ANK2: variants seen among roughly 807,000 people sequenced by gnomAD.
ANK2 encodes ankyrin 2, also known as ankyrin-2.
A neutral mutation model predicts 360.5 loss-of-function variants in ANK2; 83 were observed. The observed-to-expected ratio is 0.23, with a 90% confidence interval of 0.19 to 0.28. The LOEUF is 0.28. Ranked by LOEUF, ANK2 falls within the 10% of genes least tolerant of loss-of-function variation. The pLI is 1.00. For missense variants in ANK2, 4,201 were observed against 4,795.7 expected, an observed-to-expected ratio of 0.88 and a Z score of 3.66; for synonymous variants, 1,740 against 1,759.5, an observed-to-expected ratio of 0.99 and a Z score of 0.28.
intron 1 of ANK2, among the ~76,000 whole-genome samples, chr4:112,859,914 C>A (rs1198464971): frequency 6.6e-6 from 1 of 152,202 alleles, no homozygotes; most frequent in Non-Finnish European, 1.5e-5. Flanking sequence ...TGTTTGTTGG[C>A]TTTCTAACTC....
the ANK2 span, among the ~76,000 whole-genome samples, chr4:112,760,125 C>T: frequency 6.6e-6 from 1 of 152,174 alleles, no homozygotes; most frequent in African/African-American, 2.4e-5. Flanking sequence ...ACCCACCTGC[C>T]CACCCCAGTT....
the ANK2 span, among the ~76,000 whole-genome samples, chr4:112,793,933 G>C: frequency 1.1e-4 from 16 of 152,114 alleles, no homozygotes; most frequent in African/African-American, 3.6e-4. Context: ...CTGAACTCAA[G>C]TGATCTGCCT....
At chr4:112,879,419 T>C (rs1010555159) in intron 1 of ANK2, among the ~76,000 whole-genome samples, 3 of 152,120 alleles carry the variant, frequency 2.0e-5, no homozygotes, top group Admixed American at 6.5e-5. Context: ...AAACAGCCCA[T>C]GTGAGTGGCC....
At chr4:113,089,642 A>G (rs1581234598) in intron 1 of ANK2, among the ~76,000 whole-genome samples, 1 of 152,308 alleles carries the variant, frequency 6.6e-6, no homozygotes, top group East Asian at 1.9e-4. Flanking sequence ...CCTGACCAAC[A>G]TGGAGAAACC....
upstream of ANK2, among the ~76,000 whole-genome samples, chr4:113,047,612 G>A (rs574491105): frequency 6.6e-5 from 10 of 152,106 alleles, no homozygotes; most frequent in Non-Finnish European, 1.3e-4. Context: ...GATTTCAGTG[G>A]GGGCTGTGAC....
intron 2 of ANK2, among the ~76,000 whole-genome samples, chr4:112,963,616 C>T (rs752900578): frequency 1.3e-5 from 2 of 152,034 alleles, no homozygotes; most frequent in Non-Finnish European, 2.9e-5. Flanking sequence ...TATTTCTCTT[C>T]ATGATATTTT....
the ANK2 span, among the ~76,000 whole-genome samples, chr4:112,764,571 G>C: frequency 6.6e-6 from 1 of 152,016 alleles, no homozygotes; most frequent in Non-Finnish European, 1.5e-5. Context: ...TCTGACCTCA[G>C]GTGATCTACC....
chr4:113,145,876 A>C lies in ANK2; in HGVS notation c.85-28540A>C, dbSNP rs1374538922. 9 of 1,289,800 alleles carry C rather than the reference A, an allele frequency of 7.0e-6. No homozygotes were observed. In the South Asian group the frequency reaches 1.1e-4, roughly 16 times the overall value. The allele number at this position is 1,289,800 out of a possible 1,614,324, so 79.9% of individuals were successfully genotyped here. ...AGGAACTGTAGAGCTGAGATGGGGAATGCAGCCCTCTGCTCTTCTTGCCAT... is the reference window on the plus strand; with the variant it reads ...AGGAACTGTAGAGCTGAGATGGGGACTGCAGCCCTCTGCTCTTCTTGCCAT... On this transcript the variant is annotated intron_variant, in intron 1 of 45. Transcript: ENST00000357077.
intron 2 of ANK2, among the ~76,000 whole-genome samples, chr4:112,915,750 GTT>G (rs2089536527): frequency 7.0e-6 from 1 of 142,554 alleles, no homozygotes; most frequent in African/African-American, 2.8e-5. Context: ...GTGAGACTCT[GTT>G]TCAAAAAAAA....
At chr4:113,131,300 T>A (rs915841520) in intron 1 of ANK2, among the ~76,000 whole-genome samples, 64 of 152,308 alleles carry the variant, frequency 4.2e-4, no homozygotes, top group African/African-American at 1.5e-3. Context: ...ATTGGTGGCA[T>A]GTTTAGCTGC....
intron 2 of ANK2, among the ~76,000 whole-genome samples, chr4:113,001,067 G>A (rs1173397289): frequency 6.6e-6 from 1 of 152,008 alleles, no homozygotes; most frequent in Non-Finnish European, 1.5e-5. Context: ...GGGCACGGTG[G>A]TTCACGCCTG....
intron 2 of ANK2, among the ~76,000 whole-genome samples, chr4:113,190,847 T>C (rs1000439337): frequency 6.6e-6 from 1 of 152,248 alleles, no homozygotes; most frequent in Non-Finnish European, 1.5e-5. Flanking sequence ...CCACTCACTT[T>C]TAAATTTAAT....
At chr4:112,980,757 C>T (rs997173507) in intron 2 of ANK2, among the ~76,000 whole-genome samples, 1 of 152,092 alleles carries the variant, frequency 6.6e-6, no homozygotes, top group Non-Finnish European at 1.5e-5. Flanking sequence ...CTATAAAGTA[C>T]AATTTTTAAA....
intron 27 of ANK2, 27 bp downstream of exon 27, chr4:113,330,497 T>G (rs370232791): frequency 1.2e-6 from 2 of 1,607,936 alleles, no homozygotes; most frequent in African/African-American, 1.3e-5. Context: ...AACCTCCCAC[T>G]TAGTCATCGA....
intron 1 of ANK2, among the ~76,000 whole-genome samples, chr4:112,836,823 G>A (rs949438830): frequency 8.5e-5 from 13 of 152,170 alleles, no homozygotes; most frequent in Admixed American, 5.2e-4. Context: ...AGTGCACAGT[G>A]ATATGTGCTC....
chr4:112,820,973 G>A (rs561099048), intron 1 of ANK2, among the ~76,000 whole-genome samples: 1 of 152,178 alleles, frequency 6.6e-6, no homozygotes, highest in African/African-American at 2.4e-5. Context: ...GTGCAATGGC[G>A]CGATCTTGGC....
At chr4:113,237,528 C>A in intron 6 of ANK2, 71 bp from the exon 7 acceptor site, 2 of 1,445,508 alleles carry the variant, frequency 1.4e-6, no homozygotes, top group South Asian at 1.1e-5. Flanking sequence ...TTGCAGCGAG[C>A]AGATTGACTG....
chr4:112,884,322 A>G (rs1482431400), intron 1 of ANK2, among the ~76,000 whole-genome samples: 5 of 152,152 alleles, frequency 3.3e-5, no homozygotes, highest in Admixed American at 3.3e-4. Context: ...CTAGGTAGGA[A>G]ATATTTTTGG....
intron 1 of ANK2, among the ~76,000 whole-genome samples, chr4:112,902,502 A>G (rs2083766115): frequency 6.6e-6 from 1 of 152,238 alleles, no homozygotes; most frequent in Admixed American, 6.5e-5. Flanking sequence ...TAATTGGGCC[A>G]GGTTTTTGTG....
Sources: gnomAD v4.1 joint callset for allele counts (sites outside exome capture counted in the v4.1 genomes callset) on GRCh38, gnomAD v4.1.1 for gene constraint, MANE v1.5 for transcripts, NCBI Gene and HGNC (gene_info 2026-07-23, HGNC 2026-07-21) for gene names.